The following XKRX variants were observed in gnomAD, a reference collection of about 807,000 sequenced individuals.
XKRX encodes XK-related protein 2.
XKRX carries 11 observed loss-of-function variants against 22.4 expected under a neutral mutation model. The observed-to-expected ratio is 0.49, with a 90% CI of 0.31 to 0.81. The LOEUF (loss-of-function observed/expected upper bound fraction) is 0.81, where lower values mean the gene tolerates loss of function less well. Among genes scored for constraint, XKRX ranks in the 40% least tolerant of loss-of-function variants. The pLI is 0.05. For synonymous variants in XKRX, 114 were observed against 132.2 expected, an observed-to-expected ratio of 0.86 and a Z score of 0.94; for missense variants, 320 against 336.5, an observed-to-expected ratio of 0.95 and a Z score of 0.38.
the XKRX span, among the ~76,000 whole-genome samples, chrX:100,958,946 T>C: frequency 8.9e-6 from 1 of 112,150 alleles, no homozygotes; most frequent in Non-Finnish European, 1.9e-5. Context: ...CTAGGTGCTA[T>C]ATTAATTCAA....
At chrX:100,956,849 A>T in the XKRX span, 1 of 708,575 alleles carries the variant, frequency 1.4e-6, no homozygotes, top group Non-Finnish European at 2.3e-6. Flanking sequence ...TTTGGTAACG[A>T]AGGACTGTCT....
intron 1 of XKRX, among the ~76,000 whole-genome samples, chrX:100,923,455 C>A (rs1280920350): frequency 8.9e-6 from 1 of 112,174 alleles, no homozygotes; most frequent in African/African-American, 3.2e-5. Flanking sequence ...GACACCATGG[C>A]CAGCCTGCAC....
chrX:100,914,410 G>A lies in XKRX; in HGVS notation c.1278C>T (p.His426=). 1 of 1,211,499 alleles carries A rather than the reference G, an allele frequency of 8.3e-7. No individual in the cohort carries two copies. Among genetic ancestry groups the A allele is most frequent in the Non-Finnish European group, 1.1e-6 (1 of 895,091 alleles). Residue 426 remains histidine (H), a synonymous_variant, in exon 3 of 3, where the codon CAC becomes CAT. Transcript: ENST00000372956. ...VVDYLHCVCC[H]QHPRTRVENS... ...TCTCAACCCTGGTCCGAGGGTGCTGGTGACAGCAGACACAATGGAGGTAGT... is the reference window on the plus strand; with the variant it reads ...TCTCAACCCTGGTCCGAGGGTGCTGATGACAGCAGACACAATGGAGGTAGT...
chrX:100,891,404 C>G, the XKRX span, among the ~76,000 whole-genome samples: 2 of 111,115 alleles, frequency 1.8e-5, no homozygotes, highest in Non-Finnish European at 3.8e-5. Flanking sequence ...ACAAAAAGAA[C>G]AAAACTGGAG....
At chrX:100,949,179 G>A in the XKRX span, among the ~76,000 whole-genome samples, 2 of 111,450 alleles carry the variant, frequency 1.8e-5, no homozygotes, top group Non-Finnish European at 3.8e-5. Flanking sequence ...CTGCAAGGCT[G>A]AGTGGGGAAC....
At position 100,925,774 on chromosome X, in the gene XKRX, G is replaced by A. The variant is rs751696319; in HGVS notation, c.335+2196C>T. On this transcript the variant is annotated intron_variant, in intron 1 of 2. Coordinates refer to ENST00000372956, the MANE Select transcript of XKRX (RefSeq NM_212559.3). Reference sequence around the variant, plus strand: ...AGCTTAACTTCAAAGATTTAGAACCGTAAAGGACCTTTACATCACCCAGTC... The same window carrying A: ...AGCTTAACTTCAAAGATTTAGAACCATAAAGGACCTTTACATCACCCAGTC... Among the ~76,000 whole-genome samples the A allele has an allele frequency of 3.6e-5, 4 of 112,066 alleles. No individual in the cohort carries two copies. In the East Asian group the frequency reaches 8.3e-4, roughly 23 times the overall value.
the XKRX span, among the ~76,000 whole-genome samples, chrX:100,947,496 C>G: frequency 8.9e-6 from 1 of 112,321 alleles, no homozygotes; most frequent in South Asian, 3.7e-4. Flanking sequence ...AGGAAAGCAA[C>G]TTAGACTTAT....
the XKRX span, among the ~76,000 whole-genome samples, chrX:100,951,454 TG>T: frequency 5.5e-5 from 2 of 36,540 alleles, no homozygotes; most frequent in Non-Finnish European, 9.3e-5. Context: ...GGGTGGGGGG[TG>T]GGGGGGAAGA....
At chrX:100,937,892 G>A in the XKRX span, among the ~76,000 whole-genome samples, 7 of 111,481 alleles carry the variant, frequency 6.3e-5, no homozygotes, top group African/African-American at 2.3e-4. Context: ...TTCCAGCAGT[G>A]CCAAGAGAAG....
At chrX:100,939,184 A>C in the XKRX span, among the ~76,000 whole-genome samples, 1 of 111,902 alleles carries the variant, frequency 8.9e-6, no homozygotes, top group African/African-American at 3.2e-5. Flanking sequence ...AAGGATACAC[A>C]AGAAACTGGT....
the XKRX span, among the ~76,000 whole-genome samples, chrX:100,902,477 GGT>G: frequency 9.0e-6 from 1 of 111,461 alleles, no homozygotes; most frequent in African/African-American, 3.3e-5. Flanking sequence ...CATGAACATA[GGT>G]GCAAAAATTC....
At chrX:100,953,745 C>T in the XKRX span, among the ~76,000 whole-genome samples, 10 of 108,942 alleles carry the variant, frequency 9.2e-5, no homozygotes, top group African/African-American at 1.7e-4. Flanking sequence ...CCTGTCTCTA[C>T]TAAAAATAGA....
At chrX:100,957,220 A>C in the XKRX span, 1 of 1,000,079 alleles carries the variant, frequency 1.0e-6, no homozygotes. Flanking sequence ...ATGACTTGTC[A>C]GTATCGATCT....
chrX:100,901,898 C>T, the XKRX span, among the ~76,000 whole-genome samples: 2 of 110,151 alleles, frequency 1.8e-5, no homozygotes, highest in African/African-American at 6.6e-5. Context: ...ACTTGGGAGG[C>T]TGAGGCAGGA....
At chrX:100,940,495 C>T in the XKRX span, among the ~76,000 whole-genome samples, 2 of 111,819 alleles carry the variant, frequency 1.8e-5, no homozygotes, top group Non-Finnish European at 3.8e-5. Context: ...ACTACTTTAA[C>T]AGTCACCTAA....
chrX:100,950,782 C>T, the XKRX span, among the ~76,000 whole-genome samples: 8 of 112,157 alleles, frequency 7.1e-5, no homozygotes, highest in African/African-American at 2.6e-4. Flanking sequence ...AAGCAACACA[C>T]ATAAATATAC....
At position 100,928,149 on chromosome X, in the gene XKRX, C is replaced by G; in HGVS notation, c.156G>C (p.Leu52Phe). 1 of 1,211,497 alleles carries G rather than the reference C, an allele frequency of 8.3e-7. No individual in the cohort carries two copies. The highest frequency in any genetic ancestry group is 1.8e-5 in the South Asian group (1 of 56,922). The change falls in exon 1 of 3, where the codon TTG (leucine) becomes TTC (phenylalanine). Residue 52 changes from leucine to phenylalanine, a missense_variant. By Grantham distance (22) the Leu-to-Phe change is conservative. Transcript: ENST00000372956. ...TCTTTCGATAGATTCTAACCATGTA[C>G]AAAGCAGATGCAGCCTCCCCACAGT... ...FLYCGEAASALYMVRIYRKNS... is the reference protein window; with the variant it reads ...FLYCGEAASAFYMVRIYRKNS...
chrX:100,957,568 C>G, the XKRX span: 1 of 909,638 alleles, frequency 1.1e-6, no homozygotes, highest in Non-Finnish European at 1.6e-6. Context: ...ACTGTGTGAA[C>G]CGCAAACCAG....
intron 1 of XKRX, 46 bp downstream of exon 1, chrX:100,927,924 T>C (rs1205942626): frequency 8.8e-7 from 1 of 1,139,998 alleles, no homozygotes; most frequent in African/African-American, 1.8e-5. Flanking sequence ...TGCCCAAGTC[T>C]GGGGTGGGGT....
Sources: allele counts gnomAD v4.1 joint callset (sites outside exome capture counted in the v4.1 genomes callset), GRCh38; gene constraint gnomAD v4.1.1; transcripts MANE v1.5; gene names NCBI Gene and HGNC (gene_info 2026-07-23, HGNC 2026-07-21).